Variants in NFATC4 observed in about 807,000 individuals in gnomAD.
The protein encoded by NFATC4 is nuclear factor of activated T-cells, cytoplasmic 4.
Under a neutral mutation model 73.4 loss-of-function variants are expected in NFATC4, and 25 were observed. That is an observed-to-expected ratio of 0.34 (90% CI 0.25 to 0.48). The LOEUF (loss-of-function observed/expected upper bound fraction) is 0.48. Ranked by LOEUF, NFATC4 falls within the 20% of genes least tolerant of loss-of-function variation. The pLI is 0.99. For missense variants in NFATC4, 1,130 were observed against 1,203.7 expected (o/e 0.94, Z 0.91); for synonymous variants, 523 against 510.3 (o/e 1.02, Z -0.34).
Position 24,376,564 on chromosome 14 carries a change from A to G in NFATC4, c.2327A>G (p.Gln776Arg). Residue 776 changes from glutamine to arginine, a missense_variant, in exon 9 of 10, where the codon CAA becomes CGA. Gln to Arg is a conservative substitution (Grantham distance 43). This residue lies in a region of NFATC4 where 390 missense variants were observed against 408.1 expected (regional missense o/e 0.96). Transcript: ENST00000250373. The surrounding 1 kb of genome is among the most constrained non-coding windows in gnomAD (Gnocchi z 5.0). ...PETRGTTGCA[Q>R]PPAVSFLPRP... ...ACTAGGGGTACCACAGGTTGTGCCC[A>G]ACCACCTGCAGTTTCCTTCCTTCCC... 1 of 1,613,970 alleles carries G rather than the reference A, an allele frequency of 6.2e-7. No homozygotes were observed. The highest frequency in any genetic ancestry group is 8.5e-7 in the Non-Finnish European group (1 of 1,179,946).
At position 24,370,019 on chromosome 14, in the gene NFATC4, C is replaced by G. The variant is rs1241739616; in HGVS notation, c.621C>G (p.Ser207=). 1 of 1,612,218 alleles carries G rather than the reference C, an allele frequency of 6.2e-7. No individual in the cohort carries two copies. The highest frequency in any genetic ancestry group is 1.7e-5 in the Admixed American group (1 of 60,032). The change falls in exon 2 of 10, where the codon TCC becomes TCG. Residue 207 remains serine (S), a synonymous_variant. Coordinates refer to ENST00000250373, the MANE Select transcript of NFATC4 (RefSeq NM_004554.5). ...EVESELNEAA[S]RFGLGSPLPS... is the part of the protein sequence containing the mutation. ...AGTCTGAGCTAAATGAGGCGGCCTC[C>G]CGCTTTGGCCTGGGCTCCCCGCTGC...
At position 24,370,509 on chromosome 14, in the gene NFATC4, G is replaced by A; in HGVS notation, c.1111G>A (p.Glu371Lys). Residue 371 changes from glutamate (E) to lysine (K), a missense_variant, in exon 2 of 10, where the codon GAG becomes AAG. Physicochemically the swap from Glu to Lys is moderately conservative, Grantham distance 56. This residue lies in a region of NFATC4 where 585 missense variants were observed against 574.3 expected (regional missense o/e 1.02). Transcript: ENST00000250373. ...GGCTCCTCCAGGAGGTTCCCGGAAGGAGGTGGCTGGCATGGACTACCTGGC... is the reference window on the plus strand; with the variant it reads ...GGCTCCTCCAGGAGGTTCCCGGAAGAAGGTGGCTGGCATGGACTACCTGGC... ...SVAPPGGSRK[E>K]VAGMDYLAVP... is the part of the protein sequence containing the mutation. The A allele has an allele frequency of 6.2e-7, 1 of 1,614,198 alleles. No homozygotes were observed. Among genetic ancestry groups the A allele is most frequent in the Non-Finnish European group, 8.5e-7 (1 of 1,180,030 alleles).
chr14:24,374,208 A>T, intron 5 of NFATC4, 118 bp from the exon 6 acceptor site: 1 of 1,257,330 alleles, frequency 8.0e-7, no homozygotes, highest in Non-Finnish European at 1.1e-6. Flanking sequence ...TTGTGTGTCT[A>T]CTGCTGAGGA....
Position 24,369,579 on chromosome 14 carries a change from AT to A in NFATC4, c.183del (p.Arg63AspfsTer31). On this transcript the variant is annotated frameshift_variant, in exon 2 of 10. Coordinates refer to ENST00000250373, the MANE Select transcript of NFATC4 (RefSeq NM_004554.5). LOFTEE classifies it high-confidence loss of function. ...PPPYGAAPIG[I>X]PRPPPPRPGM... ...TCCCTATGGCGCTGCACCTATCGGT[AT>A]TCCCCGACCTCCACCCCCTCGGCCT... 1 of 1,612,446 alleles carries A rather than the reference AT, an allele frequency of 6.2e-7. No individual in the cohort carries two copies. The highest frequency in any genetic ancestry group is 8.5e-7 in the Non-Finnish European group (1 of 1,179,216).
intron 1 of NFATC4, 84 bp from the exon 2 acceptor site, chr14:24,369,415 C>A: frequency 6.2e-7 from 1 of 1,606,102 alleles, no homozygotes; most frequent in Non-Finnish European, 8.5e-7. Flanking sequence ...GAAGGACTTG[C>A]GGCCTGGCCA....
upstream of NFATC4, chr14:24,367,701 G>A (rs1307613922): frequency 6.5e-7 from 1 of 1,527,564 alleles, no homozygotes; most frequent in Non-Finnish European, 8.8e-7. Context: ...GCAACTCGGT[G>A]CCACTCTGCC....
At position 24,372,585 on chromosome 14, in the gene NFATC4, C is replaced by T. The variant is rs564143493; in HGVS notation, c.1341C>T (p.Gly447=). ...GSRGAVKAAP[G]GHPVVKLLGY... ...GTGGAGCTGTCAAAGCTGCCCCTGG[C>T]GGTCACCCCGTAGTCAAGGTAAAGG... The change falls in exon 3 of 10, where the codon GGC becomes GGT. Residue 447 remains glycine (G), a synonymous_variant. Transcript: ENST00000250373. The T allele has an allele frequency of 8.2e-5, 133 of 1,614,022 alleles. No homozygotes were observed. In the South Asian group the frequency reaches 8.8e-4, roughly 11 times the overall value.
intron 7 of NFATC4, 35 bp from the exon 8 acceptor site, chr14:24,375,940 C>T (rs200394117): frequency 6.8e-6 from 11 of 1,613,078 alleles, no homozygotes; most frequent in African/African-American, 1.3e-5. Context: ...CCCAGATGCC[C>T]GAGGGCTCCC....
chr14:24,377,308 G>C lies in NFATC4; in HGVS notation c.2642-330G>C. The stretch of plus-strand genomic sequence containing the variant: ...CTGTGGTCAGGGTTGGTGAGGAGGA[G>C]CTTTCCTGTTTTGCCTCTCCTTCTT... On this transcript the variant is annotated intron_variant, in intron 9 of 9. Transcript: ENST00000250373. This position sits in a 1 kb window ranked among gnomAD's most constrained non-coding sequence, Gnocchi z 4.2. 1 of 1,269,300 alleles carries C rather than the reference G, an allele frequency of 7.9e-7. No individual in the cohort carries two copies. Among genetic ancestry groups the C allele is most frequent in the Non-Finnish European group, 9.9e-7 (1 of 1,007,316 alleles). The allele number at this position is 1,269,300 out of a possible 1,614,324, so 78.6% of individuals were successfully genotyped here.
chr14:24,377,796 T>C lies in NFATC4; in HGVS notation c.*91T>C, dbSNP rs1422685840. On this transcript the variant is annotated 3_prime_UTR_variant, in exon 10 of 10. Coordinates refer to ENST00000250373, the MANE Select transcript of NFATC4 (RefSeq NM_004554.5). The surrounding 1 kb of genome is among the most constrained non-coding windows in gnomAD (Gnocchi z 4.2). ...TCCTGGAGTGGTGGCTACAGAAGCT[T>C]GGGGCCAACCCTGGCTCCTCTTTCC... 7 of 1,603,160 alleles carry C rather than the reference T, an allele frequency of 4.4e-6. No individual in the cohort carries two copies. In the Admixed American group the frequency reaches 1.0e-4, roughly 23 times the overall value.
chr14:24,372,947 T>C, intron 3 of NFATC4: 1 of 608,060 alleles, frequency 1.6e-6, no homozygotes, highest in Non-Finnish European at 2.9e-6. Context: ...TTGGAGGCTC[T>C]TCTGCCTTTG....
In NFATC4 at chr14:24,379,493, A is replaced by G. The variant is rs2042712210; in HGVS notation, c.*1788A>G. 6.6e-6 allele frequency: 1 copy of G among 152,230 alleles called. No individual in the cohort carries two copies. Among genetic ancestry groups the G allele is most frequent in the South Asian group, 2.1e-4 (1 of 4,828 alleles). The allele number at this position is 152,230 out of a possible 1,614,324, so 9.4% of individuals were successfully genotyped here. A position where few individuals can be genotyped will look rare whatever the true frequency, so the allele number is the denominator to read the frequency against. ...GTTTTCTGCCAGGACACTGCCATTC[A>G]TGCATTGTCAGATATTTATTAAACA... On this transcript the variant is annotated 3_prime_UTR_variant, in exon 10 of 10. Coordinates refer to ENST00000250373, the MANE Select transcript of NFATC4 (RefSeq NM_004554.5).
intron 2 of NFATC4, among the ~76,000 whole-genome samples, 193 bp downstream of exon 2, chr14:24,370,787 A>T (rs1410590873): frequency 6.6e-6 from 1 of 152,224 alleles, no homozygotes; most frequent in Admixed American, 6.5e-5. Context: ...TGGATGATTT[A>T]CAAGAGGGCA....
chr14:24,375,639 C>T, intron 6 of NFATC4, 21 bp from the exon 7 acceptor site: 3 of 1,549,480 alleles, frequency 1.9e-6, no homozygotes, highest in Non-Finnish European at 2.6e-6. Flanking sequence ...TGGGCTGCAG[C>T]TCTCTGTTCC....
chr14:24,368,421 C>A lies in NFATC4; in HGVS notation c.81C>A (p.Gly27=), dbSNP rs751519589. ...FGEEKEAPPL[G]AGGLGEELDS... is the part of the protein sequence containing the mutation. ...AGGAAAAGGAGGCCCCCCCGCTGGG[C>A]GCGGGGGGATTGGGGGAAGGTTAGT... Residue 27 remains glycine, a synonymous_variant, in exon 1 of 10, where the codon GGC becomes GGA. Transcript: ENST00000250373. The A allele has an allele frequency of 3.0e-6, 4 of 1,322,456 alleles. No homozygotes were observed. Among genetic ancestry groups the A allele is most frequent in the Admixed American group, 8.1e-5 (2 of 24,600 alleles). The allele number at this position is 1,322,456 out of a possible 1,614,324, so 81.9% of individuals were successfully genotyped here.
In NFATC4 at chr14:24,374,374, G is replaced by T. The variant is rs764343936; in HGVS notation, c.1781G>T (p.Ser594Ile). The T allele has an allele frequency of 4.3e-6, 7 of 1,614,014 alleles. No individual in the cohort carries two copies. Among genetic ancestry groups the T allele is most frequent in the Non-Finnish European group, 2.5e-6 (3 of 1,179,980 alleles). Reference protein sequence around the residue: ...ELPQVEAYSPSACSVRGGEEL... With the variant: ...ELPQVEAYSPIACSVRGGEEL... ...CCCCAGGTGGAGGCCTACAGCCCCAGTGCCTGCTCTGTGAGAGGAGGCGAG... is the reference window on the plus strand; with the variant it reads ...CCCCAGGTGGAGGCCTACAGCCCCATTGCCTGCTCTGTGAGAGGAGGCGAG... The change falls in exon 6 of 10, where the codon AGT becomes ATT. Residue 594 changes from serine (S) to isoleucine (I), a missense_variant. Transcript: ENST00000250373.
At chr14:24,367,770 T>G, upstream of NFATC4, 1 of 1,383,588 alleles carries the variant, frequency 7.2e-7, no homozygotes. Flanking sequence ...GGTTCTGCCT[T>G]GCTAGGTGCT....
Position 24,372,363 on chromosome 14 carries a change from C to G in NFATC4, c.1197-78C>G, listed in dbSNP as rs2139293650. 2.7e-6 allele frequency: 4 copies of G among 1,464,916 alleles called. No homozygotes were observed. In the East Asian group the frequency reaches 9.2e-5, roughly 34 times the overall value. 90.7% of individuals were successfully genotyped at this position (1,464,916 alleles called of 1,614,324 possible). A position where few individuals can be genotyped will look rare whatever the true frequency, so the allele number is the denominator to read the frequency against. On this transcript the variant is annotated intron_variant, in intron 2 of 9. Coordinates refer to ENST00000250373, the MANE Select transcript of NFATC4 (RefSeq NM_004554.5). ...TTCCTTTCTCTCAGACCCATACCCC[C>G]TCCTCCCTCACAGATCCAGTACGGG...
rs2042667911 is a variant in NFATC4, at chr14:24,377,776, G to C, written c.*71G>C. ...CCCTGCCCCCTTTCCCTCCTTCCTG[G>C]AGTGGTGGCTACAGAAGCTTGGGGC... On this transcript the variant is annotated 3_prime_UTR_variant, in exon 10 of 10. Transcript: ENST00000250373. This position sits in a 1 kb window ranked among gnomAD's most constrained non-coding sequence, Gnocchi z 4.2. The C allele has an allele frequency of 1.2e-6, 2 of 1,611,576 alleles. No individual in the cohort carries two copies. The highest frequency in any genetic ancestry group is 1.7e-6 in the Non-Finnish European group (2 of 1,178,690).
Sources: allele counts gnomAD v4.1 joint callset (sites outside exome capture counted in the v4.1 genomes callset), GRCh38; gene constraint gnomAD v4.1.1; regional missense constraint gnomAD v4.1.1; non-coding constraint Gnocchi (gnomAD v3.1); transcripts MANE v1.5; gene names NCBI Gene and HGNC (gene_info 2026-07-23, HGNC 2026-07-21).